NXPH2: variants seen among roughly 807,000 people sequenced by gnomAD.
NXPH2 encodes neurexophilin-2.
A neutral mutation model predicts 19.8 loss-of-function variants in NXPH2; 5 were observed. The ratio of observed to expected loss-of-function variants is 0.25; its 90% CI spans 0.13 to 0.53. The LOEUF (loss-of-function observed/expected upper bound fraction) is 0.53, where lower values mean the gene tolerates loss of function less well. Among genes scored for constraint, NXPH2 ranks in the 20% least tolerant of loss-of-function variants. The pLI is 0.96. For synonymous variants in NXPH2, 154 were observed against 127.4 expected (o/e 1.21, Z -1.41); for missense variants, 289 against 322.8 (o/e 0.90, Z 0.80).
chr2:138,717,506 T>C (rs1346856802), intron 1 of NXPH2, among the ~76,000 whole-genome samples: 1 of 151,428 alleles, frequency 6.6e-6, no homozygotes, highest in East Asian at 1.9e-4. Flanking sequence ...TGCTCTATCC[T>C]CACATGGTGG....
chr2:138,728,317 T>G (rs890038930), intron 1 of NXPH2, among the ~76,000 whole-genome samples: 1 of 152,232 alleles, frequency 6.6e-6, no homozygotes, highest in Admixed American at 6.5e-5. Context: ...GATTCTGGAC[T>G]TTCAGCATCC....
chr2:138,722,182 A>T (rs1398255312), intron 1 of NXPH2, among the ~76,000 whole-genome samples: 1 of 152,254 alleles, frequency 6.6e-6, no homozygotes, highest in Non-Finnish European at 1.5e-5. Flanking sequence ...TAAAGAGCAA[A>T]GTGAGCAAGA....
intron 1 of NXPH2, among the ~76,000 whole-genome samples, chr2:138,773,576 T>C (rs1208259677): frequency 6.6e-6 from 1 of 152,196 alleles, no homozygotes; most frequent in Non-Finnish European, 1.5e-5. Context: ...CCATACTACA[T>C]AAGTGTTCTT....
chr2:138,769,572 G>C (rs761352796), intron 1 of NXPH2, among the ~76,000 whole-genome samples: 1 of 152,156 alleles, frequency 6.6e-6, no homozygotes, highest in Non-Finnish European at 1.5e-5. Context: ...TGCTGAGCAG[G>C]CTGTAACCAA....
In NXPH2 at chr2:138,671,413, T is replaced by C. The variant is rs1384143061; in HGVS notation, c.304A>G (p.Ile102Val). ...EPLARTKRRP[I>V]VKTGKFKKMF... Reference sequence around the variant, plus strand: ...TTCTTAAATTTTCCTGTTTTTACTATTGGCCTCCGTTTAGTTCTTGCCAAT... The same window carrying C: ...TTCTTAAATTTTCCTGTTTTTACTACTGGCCTCCGTTTAGTTCTTGCCAAT... Residue 102 changes from isoleucine to valine, a missense_variant, in exon 2 of 2, where the codon ATA (isoleucine) becomes GTA (valine). Transcript: ENST00000272641. The C allele has an allele frequency of 6.2e-7, 1 of 1,614,066 alleles. No individual in the cohort carries two copies.
chr2:138,749,441 C>A (rs531271020), intron 1 of NXPH2, among the ~76,000 whole-genome samples: 3 of 151,932 alleles, frequency 2.0e-5, no homozygotes, highest in Non-Finnish European at 4.4e-5. Context: ...TTATAAAATT[C>A]CTTTTATATA....
chr2:138,776,164 T>C (rs771179770), intron 1 of NXPH2, among the ~76,000 whole-genome samples: 61 of 152,208 alleles, frequency 4.0e-4, no homozygotes, highest in Non-Finnish European at 7.4e-4. Context: ...GGCGGTGTCT[T>C]ATATAAACCA....
chr2:138,752,634 T>G (rs926917611), intron 1 of NXPH2, among the ~76,000 whole-genome samples: 2 of 152,156 alleles, frequency 1.3e-5, no homozygotes, highest in African/African-American at 4.8e-5. Flanking sequence ...CTGAAGCCCA[T>G]ACTTTGTTCA....
intron 1 of NXPH2, among the ~76,000 whole-genome samples, chr2:138,697,034 A>G (rs1680838509): frequency 6.6e-6 from 1 of 152,126 alleles, no homozygotes; most frequent in Non-Finnish European, 1.5e-5. Context: ...AAAAACTGGT[A>G]ACATGCAACA....
chr2:138,758,983 G>A (rs1425680418), intron 1 of NXPH2, among the ~76,000 whole-genome samples: 4 of 152,140 alleles, frequency 2.6e-5, no homozygotes, highest in African/African-American at 9.7e-5. Flanking sequence ...ACCCACCCCA[G>A]TTATAAAGCA....
At chr2:138,775,412 C>T (rs531477773) in intron 1 of NXPH2, among the ~76,000 whole-genome samples, 47 of 152,056 alleles carry the variant, frequency 3.1e-4, no homozygotes, top group African/African-American at 9.6e-4. Context: ...CTTTAGATTC[C>T]TTTTTTATTT....
chr2:138,764,887 T>C (rs887433310), intron 1 of NXPH2, among the ~76,000 whole-genome samples: 7 of 152,188 alleles, frequency 4.6e-5, no homozygotes, highest in Non-Finnish European at 8.8e-5. Context: ...CATAGTGCCA[T>C]GCCTACTGTA....
At chr2:138,715,846 A>G (rs1681188932) in intron 1 of NXPH2, among the ~76,000 whole-genome samples, 1 of 152,148 alleles carries the variant, frequency 6.6e-6, no homozygotes, top group African/African-American at 2.4e-5. Context: ...CCACCTCTTC[A>G]ACAGAGAACA....
Position 138,671,134 on chromosome 2 carries a change from C to G in NXPH2, c.583G>C (p.Asp195His). 1.9e-6 allele frequency: 3 copies of G among 1,613,948 alleles called. No individual in the cohort carries two copies. Among genetic ancestry groups the G allele is most frequent in the Non-Finnish European group, 2.5e-6 (3 of 1,179,872 alleles). Residue 195 changes from aspartate to histidine, a missense_variant, in exon 2 of 2, where the codon GAT (aspartate) becomes CAT (histidine). Physicochemically the swap from Asp to His is moderately conservative, Grantham distance 81. Coordinates refer to ENST00000272641, the MANE Select transcript of NXPH2 (RefSeq NM_007226.3). ...FNCRIEYEKT[D>H]RAKKTALCNF... ...CACAGGGCGGTCTTTTTCGCCCGATCTGTTTTTTCATACTCAATGCGACAA... is the reference window on the plus strand; with the variant it reads ...CACAGGGCGGTCTTTTTCGCCCGATGTGTTTTTTCATACTCAATGCGACAA...
At position 138,714,124 on chromosome 2, in the gene NXPH2, G is replaced by A. The variant is rs1279033224; in HGVS notation, c.52-42459C>T. 3.3e-5 allele frequency among the ~76,000 whole-genome samples: 5 copies of A among 151,908 alleles called. No homozygotes were observed. In the East Asian group the frequency reaches 7.7e-4, roughly 23 times the overall value. On this transcript the variant is annotated intron_variant, in intron 1 of 1. Coordinates refer to ENST00000272641, the MANE Select transcript of NXPH2 (RefSeq NM_007226.3). ...TAGCCCATTTGTATGGTTATTATTG[G>A]TTATTTCAGTTCTCAAAATTCATAC... is the stretch of plus-strand genomic sequence containing the variant.
Position 138,749,484 on chromosome 2 carries a change from T to C in NXPH2, c.51+30707A>G, listed in dbSNP as rs1681793460. On this transcript the variant is annotated intron_variant, in intron 1 of 1. Coordinates refer to ENST00000272641, the MANE Select transcript of NXPH2 (RefSeq NM_007226.3). The stretch of plus-strand genomic sequence containing the variant: ...TTTGATTATTGACATGTTTTAAACA[T>C]TTTCCAATAATGGATCCCAAATGTA... Among the ~76,000 whole-genome samples the C allele has an allele frequency of 2.0e-5, 3 of 152,166 alleles. No homozygotes were observed. In the South Asian group the frequency reaches 6.2e-4, roughly 32 times the overall value.
chr2:138,758,127 A>G (rs1008916087), intron 1 of NXPH2, among the ~76,000 whole-genome samples: 4 of 152,170 alleles, frequency 2.6e-5, no homozygotes, highest in African/African-American at 9.7e-5. Context: ...AATCTCATAA[A>G]AGGCCAAAAC....
At chr2:138,744,648 C>G (rs1558927580) in intron 1 of NXPH2, among the ~76,000 whole-genome samples, 1 of 152,152 alleles carries the variant, frequency 6.6e-6, no homozygotes, top group Non-Finnish European at 1.5e-5. Flanking sequence ...AAGCCTTCTT[C>G]CTTTTCTTGA....
chr2:138,685,778 G>T (rs1015086478), intron 1 of NXPH2, among the ~76,000 whole-genome samples: 2 of 152,166 alleles, frequency 1.3e-5, no homozygotes, highest in Admixed American at 1.3e-4. Flanking sequence ...TCTATATAAG[G>T]TTACTTGATG....
Sources: gnomAD v4.1 joint callset for allele counts (sites outside exome capture counted in the v4.1 genomes callset) on GRCh38, gnomAD v4.1.1 for gene constraint, MANE v1.5 for transcripts, NCBI Gene and HGNC (gene_info 2026-07-23, HGNC 2026-07-21) for gene names.